Variants in LRRTM4 observed in about 807,000 individuals in gnomAD.
LRRTM4 encodes the protein leucine rich repeat transmembrane neuronal 4.
In LRRTM4, 25 loss-of-function variants were observed where a neutral mutation model predicts 47.6. That is an observed-to-expected ratio of 0.53 (90% CI 0.38 to 0.73). The LOEUF is 0.73. LRRTM4 is among the 30% of genes least tolerant of loss of function. The probability of loss-of-function intolerance (pLI) is 0.00; values close to 1 mark genes in which losing one functional copy is unlikely to be tolerated. For missense variants in LRRTM4, 638 were observed against 713.4 expected (o/e 0.89, Z 1.20); for synonymous variants, 311 against 269.5 (o/e 1.15, Z -1.51).
chr2:77,316,608 C>G (rs1389463866), intron 3 of LRRTM4, among the ~76,000 whole-genome samples: 1 of 151,458 alleles, frequency 6.6e-6, no homozygotes, highest in Non-Finnish European at 1.5e-5. Context: ...GAGTGCAGTG[C>G]GTATCCCCAG....
intron 3 of LRRTM4, among the ~76,000 whole-genome samples, chr2:77,428,646 T>G (rs963306924): frequency 3.9e-5 from 6 of 152,184 alleles, no homozygotes; most frequent in African/African-American, 1.4e-4. Flanking sequence ...GATAACTGTT[T>G]AAAACTTAGA....
intron 3 of LRRTM4, among the ~76,000 whole-genome samples, chr2:76,776,540 G>A (rs1289598224): frequency 6.6e-6 from 1 of 152,100 alleles, no homozygotes; most frequent in Non-Finnish European, 1.5e-5. Flanking sequence ...GTGTTTTTTG[G>A]CTGCATAAAT....
intron 3 of LRRTM4, among the ~76,000 whole-genome samples, chr2:76,920,964 C>G (rs1360445726): frequency 2.0e-5 from 3 of 152,096 alleles, no homozygotes; most frequent in Non-Finnish European, 2.9e-5. Context: ...CCACGTACCC[C>G]TCACCCTGTT....
intron 3 of LRRTM4, among the ~76,000 whole-genome samples, chr2:77,496,295 T>C (rs1678360744): frequency 6.6e-6 from 1 of 151,894 alleles, no homozygotes; most frequent in Admixed American, 6.6e-5. Flanking sequence ...TTTACATTTT[T>C]CTCTAATCTC....
chr2:76,790,996 C>CAGTT (rs1674941826), intron 3 of LRRTM4, among the ~76,000 whole-genome samples: 1 of 152,026 alleles, frequency 6.6e-6, no homozygotes, highest in Non-Finnish European at 1.5e-5. Flanking sequence ...GGTATGTTTC[C>CAGTT]AGTTACATGA....
At chr2:76,875,727 T>C (rs1448292277) in intron 3 of LRRTM4, among the ~76,000 whole-genome samples, 11 of 152,180 alleles carry the variant, frequency 7.2e-5, no homozygotes, top group South Asian at 4.1e-4. Context: ...ATTCTTAATA[T>C]AGAAAAGTTT....
chr2:76,963,025 A>G (rs988531548), intron 3 of LRRTM4, among the ~76,000 whole-genome samples: 4 of 150,950 alleles, frequency 2.6e-5, no homozygotes, highest in African/African-American at 4.8e-5. Flanking sequence ...GACAATATTC[A>G]AAGTGTATAT....
At chr2:77,084,910 T>A (rs1434577166) in intron 3 of LRRTM4, among the ~76,000 whole-genome samples, 2 of 152,174 alleles carry the variant, frequency 1.3e-5, no homozygotes, top group African/African-American at 4.8e-5. Flanking sequence ...AGTGATAATT[T>A]TATGCATATG....
At chr2:77,421,285 T>A (rs1308226383) in intron 3 of LRRTM4, among the ~76,000 whole-genome samples, 2 of 152,210 alleles carry the variant, frequency 1.3e-5, no homozygotes, top group Non-Finnish European at 2.9e-5. Flanking sequence ...CTGCTTTTCA[T>A]ATACAAATCT....
chr2:76,858,285 C>G (rs144335850), intron 3 of LRRTM4, among the ~76,000 whole-genome samples: 3 of 152,292 alleles, frequency 2.0e-5, no homozygotes, highest in African/African-American at 7.2e-5. Context: ...AACAAAAAGG[C>G]TGACCCTCCC....
intron 3 of LRRTM4, among the ~76,000 whole-genome samples, chr2:76,976,821 A>C: frequency 6.6e-6 from 1 of 151,850 alleles, no homozygotes; most frequent in East Asian, 1.9e-4. Context: ...TATTTTCAAA[A>C]AGCCAGGAGA....
chr2:77,011,034 TCAGA>T (rs989552845), intron 3 of LRRTM4, among the ~76,000 whole-genome samples: 2 of 151,970 alleles, frequency 1.3e-5, no homozygotes, highest in African/African-American at 2.4e-5. Flanking sequence ...CAATTTTTGA[TCAGA>T]CAGTCAGAAG....
Position 76,817,260 on chromosome 2 carries a change from A to G in LRRTM4, c.1552-68344T>C, listed in dbSNP as rs528856989. 6.6e-5 allele frequency among the ~76,000 whole-genome samples: 10 copies of G among 151,924 alleles called. No homozygotes were observed. The South Asian group carries it at 2.1e-3, about 31-fold the overall frequency. On this transcript the variant is annotated intron_variant, in intron 3 of 3. Coordinates refer to ENST00000409884, the MANE Select transcript of LRRTM4 (RefSeq NM_001134745.3). ...TGCATGCTTGATAATTAATTTTAAT[A>G]TATGGCAGGAAGTGATATGTCATGG...
At chr2:77,326,055 G>C (rs562466897) in intron 3 of LRRTM4, among the ~76,000 whole-genome samples, 1 of 152,116 alleles carries the variant, frequency 6.6e-6, no homozygotes, top group Admixed American at 6.5e-5. Flanking sequence ...TGAGAAATGC[G>C]CTCCCTTTAT....
At chr2:77,071,447 A>T (rs754547793) in intron 3 of LRRTM4, among the ~76,000 whole-genome samples, 1 of 152,184 alleles carries the variant, frequency 6.6e-6, no homozygotes, top group Non-Finnish European at 1.5e-5. Context: ...CTGGTATTTC[A>T]TATATTCATT....
intron 3 of LRRTM4, among the ~76,000 whole-genome samples, chr2:77,051,848 T>C (rs1037356509): frequency 2.6e-5 from 4 of 152,158 alleles, no homozygotes; most frequent in Non-Finnish European, 5.9e-5. Flanking sequence ...AAACAGTGGA[T>C]AATTTTCATG....
At chr2:77,003,506 G>C (rs1677514607) in intron 3 of LRRTM4, among the ~76,000 whole-genome samples, 1 of 152,108 alleles carries the variant, frequency 6.6e-6, no homozygotes, top group African/African-American at 2.4e-5. Flanking sequence ...TGATGGTTTT[G>C]TAAAGGGAAG....
intron 3 of LRRTM4, among the ~76,000 whole-genome samples, chr2:77,048,048 T>C (rs115207701): frequency 0.011 from 1,639 of 152,186 alleles, 41 homozygotes; most frequent in African/African-American, 0.037. Flanking sequence ...AAAACATATC[T>C]CTCGATTATC....
At chr2:77,465,993 A>G (rs1309024988) in intron 3 of LRRTM4, among the ~76,000 whole-genome samples, 1 of 151,980 alleles carries the variant, frequency 6.6e-6, no homozygotes, top group Non-Finnish European at 1.5e-5. Context: ...CTTAGCGATT[A>G]TAATCCATTC....
Sources: allele counts gnomAD v4.1 joint callset (sites outside exome capture counted in the v4.1 genomes callset), GRCh38; gene constraint gnomAD v4.1.1; transcripts MANE v1.5; gene names NCBI Gene and HGNC (gene_info 2026-07-23, HGNC 2026-07-21).